The following PARP14 variants were observed in gnomAD, a reference collection of about 807,000 sequenced individuals.
PARP14 encodes protein mono-ADP-ribosyltransferase PARP14.
PARP14 carries 59 observed loss-of-function variants against 154.2 expected under a neutral mutation model. The observed-to-expected ratio is 0.38, with a 90% CI of 0.31 to 0.48. The LOEUF is 0.48. Among genes scored for constraint, PARP14 ranks in the 20% least tolerant of loss-of-function variants. PARP14 has a pLI of 0.98. For synonymous variants in PARP14, 720 were observed against 780.5 expected (o/e 0.92, Z 1.29); for missense variants, 1,734 against 2,131.6 (o/e 0.81, Z 3.67).
intron 3 of PARP14, among the ~76,000 whole-genome samples, chr3:122,690,656 C>T (rs893675440): frequency 6.6e-6 from 1 of 152,158 alleles, no homozygotes; most frequent in Non-Finnish European, 1.5e-5. Flanking sequence ...GGATTAGAGG[C>T]GTGTGTTACC....
At chr3:122,719,099 G>A (rs550031139) in intron 14 of PARP14, 141 bp downstream of exon 14, 43 of 802,798 alleles carry the variant, frequency 5.4e-5, no homozygotes, top group Admixed American at 2.8e-4. Flanking sequence ...TGGCCTCTGC[G>A]CTTAAAGAGC....
At chr3:122,686,114 AT>A (rs1938365640) in intron 2 of PARP14, among the ~76,000 whole-genome samples, 1 of 152,216 alleles carries the variant, frequency 6.6e-6, no homozygotes, top group Admixed American at 6.5e-5. Context: ...TTCTTGTTAT[AT>A]ATAATAAACA....
intron 3 of PARP14, among the ~76,000 whole-genome samples, chr3:122,689,590 T>G (rs1228398757): frequency 1.3e-5 from 2 of 152,308 alleles, no homozygotes; most frequent in Middle Eastern, 3.4e-3. Context: ...ATTACAGGCA[T>G]GAGCCACTGC....
intron 1 of PARP14, among the ~76,000 whole-genome samples, chr3:122,683,970 G>A (rs1276324302): frequency 6.6e-6 from 1 of 152,148 alleles, no homozygotes; most frequent in Admixed American, 6.5e-5. Context: ...AGCCCTTCAG[G>A]AGTTTGTGTG....
chr3:122,718,683 T>C lies in PARP14; in HGVS notation c.4532T>C (p.Ile1511Thr), dbSNP rs376856551. 3.9e-5 allele frequency: 63 copies of C among 1,613,746 alleles called. No individual in the cohort carries two copies. The highest frequency in any genetic ancestry group is 5.3e-5 in the Non-Finnish European group (62 of 1,179,844). ...GATGTGATGCAGGCTAGAGATGAAATTGAGGCGATGATCAAGAGAGTTCGA... is the reference window on the plus strand; with the variant it reads ...GATGTGATGCAGGCTAGAGATGAAACTGAGGCGATGATCAAGAGAGTTCGA... ...SRDVMQARDE[I>T]EAMIKRVRLA... The change falls in exon 14 of 17, where the codon ATT (isoleucine) becomes ACT (threonine). Residue 1511 changes from isoleucine (I) to threonine (T), a missense_variant. Coordinates refer to ENST00000474629, the MANE Select transcript of PARP14 (RefSeq NM_017554.3).
At chr3:122,713,147 C>A (rs754524563) in intron 9 of PARP14, among the ~76,000 whole-genome samples, 1 of 152,188 alleles carries the variant, frequency 6.6e-6, no homozygotes, top group Non-Finnish European at 1.5e-5. Flanking sequence ...TGTATTTGTC[C>A]TGTTTTTAGT....
chr3:122,697,549 T>C (rs1938817753), intron 5 of PARP14, among the ~76,000 whole-genome samples: 1 of 152,212 alleles, frequency 6.6e-6, no homozygotes, highest in African/African-American at 2.4e-5. Flanking sequence ...ATTTCACCAT[T>C]CACAATGGGT....
chr3:122,693,852 A>AG (rs1181514739), intron 4 of PARP14, among the ~76,000 whole-genome samples: 4 of 146,344 alleles, frequency 2.7e-5, no homozygotes, highest in East Asian at 4.0e-4. Flanking sequence ...GAAAAAAAAA[A>AG]AAAGAAAAGA....
At position 122,718,578 on chromosome 3, in the gene PARP14, A is replaced by C; in HGVS notation, c.4427A>C (p.Asn1476Thr). Residue 1476 changes from asparagine to threonine, a missense_variant, in exon 14 of 17, where the codon AAT becomes ACT. By Grantham distance (65) the Asn-to-Thr change is moderately conservative (BLOSUM62 0). Coordinates refer to ENST00000474629, the MANE Select transcript of PARP14 (RefSeq NM_017554.3). ...DFDEKEYQEL[N>T]ELQKKLNINI... ...GATGAAAAGGAGTATCAGGAGTTGA[A>C]TGAGCTGCAGAAGAAGTTAAATATT... The C allele has an allele frequency of 6.2e-7, 1 of 1,613,940 alleles. No individual in the cohort carries two copies. Among genetic ancestry groups the C allele is most frequent in the Non-Finnish European group, 8.5e-7 (1 of 1,179,862 alleles).
chr3:122,691,778 A>G (rs968831040), intron 3 of PARP14, among the ~76,000 whole-genome samples: 4 of 152,240 alleles, frequency 2.6e-5, no homozygotes, highest in African/African-American at 9.6e-5. Context: ...ATCAAGTGCT[A>G]GGAAATATAA....
chr3:122,696,780 A>G (rs923167571), intron 5 of PARP14, among the ~76,000 whole-genome samples: 1 of 152,176 alleles, frequency 6.6e-6, no homozygotes, highest in Non-Finnish European at 1.5e-5. Context: ...AGAGCTATTC[A>G]TGTAAACTCT....
At chr3:122,703,000 AAAAAAAAAAAC>A (rs1283640284) in intron 6 of PARP14, among the ~76,000 whole-genome samples, 3 of 134,984 alleles carry the variant, frequency 2.2e-5, no homozygotes, top group African/African-American at 5.3e-5. Flanking sequence ...TCTTAAAAAA[AAAAAAAAAAAC>A]AAAAAAAAAA....
intron 6 of PARP14, among the ~76,000 whole-genome samples, chr3:122,702,412 G>A (rs1939007159): frequency 6.6e-6 from 1 of 152,044 alleles, no homozygotes; most frequent in Admixed American, 6.5e-5. Flanking sequence ...TAGAGATGGG[G>A]TTTCACCATG....
chr3:122,686,685 T>C (rs1938385264), intron 2 of PARP14: 2 of 165,800 alleles, frequency 1.2e-5, no homozygotes, highest in African/African-American at 2.4e-5. Context: ...CAGGCTGGCC[T>C]TGAACTCCTG....
At chr3:122,710,740 G>T (rs574135972) in intron 9 of PARP14, among the ~76,000 whole-genome samples, 1 of 151,780 alleles carries the variant, frequency 6.6e-6, no homozygotes, top group East Asian at 1.9e-4. Context: ...GTGTTTTGTA[G>T]TTTTCCTTGT....
intron 16 of PARP14, 38 bp downstream of exon 16, chr3:122,728,024 A>G: frequency 6.3e-7 from 1 of 1,577,646 alleles, no homozygotes; most frequent in Non-Finnish European, 8.6e-7. Context: ...GGAATGAGGC[A>G]TCAGCCATGA....
chr3:122,718,776 A>G lies in PARP14; in HGVS notation c.4625A>G (p.Asn1542Ser), dbSNP rs779453922. ...TTTATAGAATGGCAGTATAATGACA[A>G]TAACACTTCTCATTGTTTTAACAAA... Reference protein sequence around the residue: ...SEFIEWQYNDNNTSHCFNKMT... With the variant: ...SEFIEWQYNDSNTSHCFNKMT... The change falls in exon 14 of 17, where the codon AAT becomes AGT. Residue 1542 changes from asparagine to serine, a missense_variant. Physicochemically the swap from Asn to Ser is conservative, Grantham distance 46. This residue lies in a region of PARP14 where 1,646 missense variants were observed against 1,976.0 expected (regional missense o/e 0.83). Transcript: ENST00000474629. 56 of 1,613,776 alleles carry G rather than the reference A, an allele frequency of 3.5e-5. No individual in the cohort carries two copies. Among genetic ancestry groups the G allele is most frequent in the Non-Finnish European group, 4.7e-5 (55 of 1,179,830 alleles).
At chr3:122,694,938 G>A (rs193193214) in intron 4 of PARP14, among the ~76,000 whole-genome samples, 2 of 152,192 alleles carry the variant, frequency 1.3e-5, no homozygotes, top group African/African-American at 4.8e-5. Flanking sequence ...CCCTTTCAAG[G>A]AGAAGGGGTT....
chr3:122,685,232 G>A lies in PARP14; in HGVS notation c.235G>A (p.Gly79Arg), dbSNP rs1410109177. The A allele has an allele frequency of 3.1e-6, 5 of 1,613,740 alleles. 1 individual carries two copies. The highest frequency in any genetic ancestry group is 3.4e-6 in the Non-Finnish European group (4 of 1,179,798). ...AAAAAATCATGAGTTGGTATGGCAA[G>A]GAAAAGGAACATTCAAGTTAACTGT... ...ERKNHELVWQ[G>R]KGTFKLTVQL... Residue 79 changes from glycine (G) to arginine (R), a missense_variant, in exon 2 of 17, where the codon GGA becomes AGA. Physicochemically the swap from Gly to Arg is moderately radical, Grantham distance 125 (BLOSUM62 -2). This residue lies in a region of PARP14 where 1,646 missense variants were observed against 1,976.0 expected (regional missense o/e 0.83). Coordinates refer to ENST00000474629, the MANE Select transcript of PARP14 (RefSeq NM_017554.3).
Sources: gnomAD v4.1 joint callset for allele counts (sites outside exome capture counted in the v4.1 genomes callset) on GRCh38, gnomAD v4.1.1 for gene constraint, gnomAD v4.1.1 regional missense constraint, MANE v1.5 for transcripts, NCBI Gene and HGNC (gene_info 2026-07-23, HGNC 2026-07-21) for gene names.